Variants in DBP observed in about 807,000 individuals in gnomAD.
DBP encodes the protein D-box binding PAR bZIP transcription factor.
In DBP, 12 loss-of-function variants were observed where a neutral mutation model predicts 21.4. That is an observed-to-expected ratio of 0.56 (90% CI 0.36 to 0.91). The LOEUF (loss-of-function observed/expected upper bound fraction) is 0.91. DBP is among the 40% of genes least tolerant of loss of function. The probability of loss-of-function intolerance (pLI) is 0.01; values close to 1 mark genes in which losing one functional copy is unlikely to be tolerated. For synonymous variants in DBP, 213 were observed against 224.9 expected (o/e 0.95, Z 0.47); for missense variants, 423 against 473.4 (o/e 0.89, Z 0.99).
At chr19:48,634,539 G>T in intron 2 of DBP, 1 of 277,254 alleles carries the variant, frequency 3.6e-6, no homozygotes, top group Non-Finnish European at 5.5e-6. Context: ...GGCCAGCTAA[G>T]GACACAGGTT....
intron 3 of DBP, chr19:48,633,064 G>T (rs1047865138): frequency 2.3e-5 from 10 of 436,216 alleles, no homozygotes; most frequent in Non-Finnish European, 1.7e-5. Context: ...TGTAATCTTG[G>T]CTCACTGCAG....
intron 1 of DBP, 129 bp from the exon 2 acceptor site, chr19:48,636,119 AG>A: frequency 1.4e-5 from 13 of 907,340 alleles, no homozygotes; most frequent in Non-Finnish European, 1.9e-5. Context: ...CGGAGAGGAG[AG>A]ACGGGAGAAA....
At position 48,630,954 on chromosome 19, in the gene DBP, C is replaced by T. The variant is rs2030556258; in HGVS notation, c.861G>A (p.Ala287=). Residue 287 remains alanine (A), a synonymous_variant, in exon 4 of 4, where the codon GCG becomes GCA. Transcript: ENST00000222122. The surrounding 1 kb of genome is among the most constrained non-coding windows in gnomAD (Gnocchi z 4.9). ...GGGCGTTCTCCTTCTCCAGGAAGGC[C>T]GCCCGCACCGATATCTGGTTCTCCT... is the stretch of plus-strand genomic sequence containing the variant. ...RLKENQISVR[A]AFLEKENALL... 7.4e-6 allele frequency: 12 copies of T among 1,613,312 alleles called. No homozygotes were observed. Among genetic ancestry groups the T allele is most frequent in the Admixed American group, 1.7e-5 (1 of 59,974 alleles).
At chr19:48,633,683 G>A (rs369478195) in intron 2 of DBP, 28 bp from the exon 3 acceptor site, 1 of 1,597,498 alleles carries the variant, frequency 6.3e-7, no homozygotes, top group Non-Finnish European at 8.6e-7. Flanking sequence ...TGTCAGCTGA[G>A]TGTGTATTTT....
At chr19:48,635,355 C>T in intron 2 of DBP, 5 of 1,348,872 alleles carry the variant, frequency 3.7e-6, no homozygotes, top group South Asian at 1.4e-5. Flanking sequence ...GGGCAGGCTT[C>T]CTGGAATTTA....
rs779201823 is a variant in DBP, at chr19:48,631,023, C to T, written c.792G>A (p.Lys264=). ...KDEKYWSRRY[K]NNEAAKRSRD... is the part of the protein sequence containing the mutation. ...GGGACCGCTTGGCTGCCTCGTTGTT[C>T]TTGTACCGCCGGCTCCAGTATTTCT... The change falls in exon 4 of 4, where the codon AAG becomes AAA. Residue 264 remains lysine, a synonymous_variant. Coordinates refer to ENST00000222122, the MANE Select transcript of DBP (RefSeq NM_001352.5). The T allele has an allele frequency of 5.6e-6, 9 of 1,613,490 alleles. No individual in the cohort carries two copies. Among genetic ancestry groups the T allele is most frequent in the East Asian group, 2.2e-5 (1 of 44,884 alleles).
chr19:48,636,885 C>T lies in DBP; in HGVS notation c.110G>A (p.Gly37Glu). The change falls in exon 1 of 4, where the codon GGG becomes GAG. Residue 37 changes from glycine (G) to glutamate (E), a missense_variant. Gly to Glu is a moderately conservative substitution (Grantham distance 98). Coordinates refer to ENST00000222122, the MANE Select transcript of DBP (RefSeq NM_001352.5). ...GGCCGGCTCTTTGGGCTTGCTGGTC[C>T]CCTGCAGAAGGCTCCGCAACCCAAG... The part of the protein sequence containing the change: ...ALLGLRSLLQ[G>E]TSKPKEPASC... The T allele has an allele frequency of 3.1e-6, 5 of 1,608,744 alleles. No individual in the cohort carries two copies. Among genetic ancestry groups the T allele is most frequent in the Non-Finnish European group, 4.2e-6 (5 of 1,178,064 alleles).
chr19:48,634,785 G>A (rs1347919669), intron 2 of DBP: 10 of 985,458 alleles, frequency 1.0e-5, no homozygotes, highest in Admixed American at 6.1e-5. Flanking sequence ...AGGAATCCCC[G>A]ACCTGCAGTC....
intron 2 of DBP, chr19:48,635,274 C>T (rs1245863854): frequency 8.3e-7 from 1 of 1,205,824 alleles, no homozygotes; most frequent in African/African-American, 1.7e-5. Context: ...TTCCGGACTT[C>T]CAGTTCTGGC....
At position 48,630,630 on chromosome 19, in the gene DBP, CG is replaced by C; in HGVS notation, c.*206del. ...TGGGAGGATAGGGTCCCTGACGTGC[CG>C]GGGACACACACAGAGAACCCTCCCC... On this transcript the variant is annotated 3_prime_UTR_variant, in exon 4 of 4. Coordinates refer to ENST00000222122, the MANE Select transcript of DBP (RefSeq NM_001352.5). This position sits in a 1 kb window ranked among gnomAD's most constrained non-coding sequence, Gnocchi z 4.9. The C allele has an allele frequency of 2.0e-6, 3 of 1,503,748 alleles. No individual in the cohort carries two copies. Among genetic ancestry groups the C allele is most frequent in the South Asian group, 1.3e-5 (1 of 79,820 alleles). 93.2% of individuals were successfully genotyped at this position (1,503,748 alleles called of 1,614,324 possible). A position where few individuals can be genotyped will look rare whatever the true frequency, so the allele number is the denominator to read the frequency against.
rs777025380 is a variant in DBP at position 48,630,924 on chromosome 19, C to T, written c.891G>A (p.Leu297=). ...AAFLEKENAL[L]RQEVVAVRQE... is the part of the protein sequence containing the mutation. ...GGCGCACGGCCACAACTTCCTGCCG[C>T]AGCAGGGCGTTCTCCTTCTCCAGGA... The change falls in exon 4 of 4, where the codon CTG becomes CTA. Residue 297 remains leucine, a synonymous_variant. Transcript: ENST00000222122. This position sits in a 1 kb window ranked among gnomAD's most constrained non-coding sequence, Gnocchi z 4.9. 1.2e-6 allele frequency: 2 copies of T among 1,611,236 alleles called. No individual in the cohort carries two copies. Among genetic ancestry groups the T allele is most frequent in the Non-Finnish European group, 1.7e-6 (2 of 1,179,066 alleles).
At position 48,630,758 on chromosome 19, in the gene DBP, C is replaced by G. The variant is rs1430998422; in HGVS notation, c.*79G>C. 16 of 1,477,764 alleles carry G rather than the reference C, an allele frequency of 1.1e-5. No individual in the cohort carries two copies. Among genetic ancestry groups the G allele is most frequent in the Non-Finnish European group, 1.5e-5 (16 of 1,101,232 alleles). 91.5% of individuals were successfully genotyped at this position (1,477,764 alleles called of 1,614,324 possible). A position where few individuals can be genotyped will look rare whatever the true frequency, so the allele number is the denominator to read the frequency against. ...GGCACCCAGCTGGCCGGCCCGTGGG[C>G]CACAGGGCAGGAAGGGAACAGGGCG... On this transcript the variant is annotated 3_prime_UTR_variant, in exon 4 of 4. Coordinates refer to ENST00000222122, the MANE Select transcript of DBP (RefSeq NM_001352.5). This position sits in a 1 kb window ranked among gnomAD's most constrained non-coding sequence, Gnocchi z 4.9.
intron 2 of DBP, 194 bp downstream of exon 2, chr19:48,635,386 C>G: frequency 7.3e-7 from 1 of 1,376,768 alleles, no homozygotes; most frequent in Non-Finnish European, 9.3e-7. Context: ...TCTCTCCTCC[C>G]CCATGGATCC....
In DBP at chr19:48,630,985, C is replaced by T; in HGVS notation, c.830G>A (p.Arg277Gln). 6.2e-7 allele frequency: 1 copy of T among 1,613,762 alleles called. No homozygotes were observed. The highest frequency in any genetic ancestry group is 8.5e-7 in the Non-Finnish European group (1 of 1,179,964). ...CACCGATATCTGGTTCTCCTTGAGC[C>T]GCCGGGCGTCACGGGACCGCTTGGC... ...EAAKRSRDAR[R>Q]LKENQISVRA... The change falls in exon 4 of 4, where the codon CGG (arginine) becomes CAG (glutamine). Residue 277 changes from arginine to glutamine, a missense_variant. Transcript: ENST00000222122. The surrounding 1 kb of genome is among the most constrained non-coding windows in gnomAD (Gnocchi z 4.9).
At position 48,630,441 on chromosome 19, in the gene DBP, G is replaced by A. The variant is rs1285208378; in HGVS notation, c.*396C>T. On this transcript the variant is annotated 3_prime_UTR_variant, in exon 4 of 4. Transcript: ENST00000222122. This position sits in a 1 kb window ranked among gnomAD's most constrained non-coding sequence, Gnocchi z 4.9. ...CCTTCCTCCATCCGACAGCCCGCGGGAGGACTCAGACTCCAGCACTTCCAG... is the reference window on the plus strand; with the variant it reads ...CCTTCCTCCATCCGACAGCCCGCGGAAGGACTCAGACTCCAGCACTTCCAG... 1 of 1,440,872 alleles carries A rather than the reference G, an allele frequency of 6.9e-7. No individual in the cohort carries two copies. The highest frequency in any genetic ancestry group is 2.6e-5 in the East Asian group (1 of 38,780). 89.3% of individuals were successfully genotyped at this position (1,440,872 alleles called of 1,614,324 possible).
At chr19:48,633,693 TAAG>T (rs750115179) in intron 2 of DBP, 38 bp from the exon 3 acceptor site, 7 of 1,571,234 alleles carry the variant, frequency 4.5e-6, no homozygotes, top group Non-Finnish European at 5.2e-6. Context: ...GTGTGTATTT[TAAG>T]GAGGGGGTTT....
At chr19:48,634,987 A>C (rs769291785) in intron 2 of DBP, 363 of 985,964 alleles carry the variant, frequency 3.7e-4, no homozygotes, top group Non-Finnish European at 4.0e-4. Context: ...CTAGGAATAT[A>C]GGAAGCTTGG....
chr19:48,632,542 GGCGTGAGCCAAC>G (rs1271941864), intron 3 of DBP: 1 of 152,206 alleles, frequency 6.6e-6, no homozygotes, highest in Non-Finnish European at 1.5e-5. Context: ...TAGGATTACA[GGCGTGAGCCAAC>G]GCGCCTGGCC....
At position 48,637,303 on chromosome 19, in the gene DBP, G is replaced by A. The variant is rs2147714378; in HGVS notation, c.-309C>T. 1 of 336,046 alleles carries A rather than the reference G, an allele frequency of 3.0e-6. No homozygotes were observed. Among genetic ancestry groups the A allele is most frequent in the South Asian group, 1.1e-4 (1 of 8,816 alleles). 20.8% of individuals were successfully genotyped at this position (336,046 alleles called of 1,614,324 possible). On this transcript the variant is annotated 5_prime_UTR_variant, in exon 1 of 4. Coordinates refer to ENST00000222122, the MANE Select transcript of DBP (RefSeq NM_001352.5). ...GGACTCAAGGCGCTCCTTCTACAAG[G>A]TGGGCGAGCCTGGCTCTTGCAAAAT...
Sources: gnomAD v4.1 joint callset for allele counts on GRCh38, gnomAD v4.1.1 for gene constraint, Gnocchi (gnomAD v3.1) non-coding constraint, MANE v1.5 for transcripts, NCBI Gene and HGNC (gene_info 2026-07-23, HGNC 2026-07-21) for gene names.